The following PDHX variants were observed in gnomAD, a reference collection of about 807,000 sequenced individuals.
PDHX encodes the protein pyruvate dehydrogenase complex component X, also known as pyruvate dehydrogenase protein X component, mitochondrial.
PDHX carries 33 observed loss-of-function variants against 55.3 expected under a neutral mutation model. The ratio of observed to expected loss-of-function variants is 0.60; its 90% CI spans 0.45 to 0.80. The LOEUF (loss-of-function observed/expected upper bound fraction) is 0.80, where lower values mean the gene tolerates loss of function less well. Among genes scored for constraint, PDHX ranks in the 30% least tolerant of loss-of-function variants. PDHX has a pLI of 0.00. For synonymous variants in PDHX, 226 were observed against 219.4 expected, an observed-to-expected ratio of 1.03 and a Z score of -0.27; for missense variants, 622 against 619.9, an observed-to-expected ratio of 1.00 and a Z score of -0.04.
intron 9 of PDHX, among the ~76,000 whole-genome samples, chr11:34,985,403 C>T (rs896348988): frequency 1.4e-4 from 21 of 152,192 alleles, no homozygotes; most frequent in South Asian, 4.1e-4. Flanking sequence ...ATTGCGCCAC[C>T]GTACTCCAGC....
chr11:34,939,981 T>C (rs1020506088), intron 2 of PDHX, among the ~76,000 whole-genome samples: 1 of 152,180 alleles, frequency 6.6e-6, no homozygotes, highest in Non-Finnish European at 1.5e-5. Flanking sequence ...GCTTCAGATA[T>C]TTTCAGTTTA....
intron 3 of PDHX, among the ~76,000 whole-genome samples, chr11:34,951,837 C>T (rs1192743718): frequency 6.6e-6 from 1 of 152,128 alleles, no homozygotes; most frequent in East Asian, 1.9e-4. Flanking sequence ...TTAGGTCTAA[C>T]GTTTAAGTCT....
At chr11:34,993,790 G>A (rs970874613) in intron 10 of PDHX, among the ~76,000 whole-genome samples, 12 of 152,086 alleles carry the variant, frequency 7.9e-5, no homozygotes, top group Non-Finnish European at 1.5e-4. Flanking sequence ...CCCCTTGCTG[G>A]TTTCTTGATT....
At chr11:34,962,240 C>T (rs1855034467) in intron 5 of PDHX, among the ~76,000 whole-genome samples, 2 of 152,072 alleles carry the variant, frequency 1.3e-5, no homozygotes, top group South Asian at 2.1e-4. Flanking sequence ...TTAATAGGCT[C>T]CTAAAGTAAT....
intron 8 of PDHX, among the ~76,000 whole-genome samples, chr11:34,980,437 G>C (rs1346178858): frequency 7.0e-6 from 1 of 142,318 alleles, no homozygotes; most frequent in Non-Finnish European, 1.5e-5. Flanking sequence ...GACCCGAGTG[G>C]ATTGCCCTAA....
At chr11:34,925,690 A>G (rs538207578) in intron 1 of PDHX, among the ~76,000 whole-genome samples, 4 of 152,320 alleles carry the variant, frequency 2.6e-5, no homozygotes, top group African/African-American at 9.6e-5. Flanking sequence ...TTTCATTTCA[A>G]TCTTTGTATG....
At chr11:34,919,004 G>A (rs1244496383) in intron 1 of PDHX, among the ~76,000 whole-genome samples, 1 of 152,162 alleles carries the variant, frequency 6.6e-6, no homozygotes, top group Non-Finnish European at 1.5e-5. Flanking sequence ...TCAAGGTTGA[G>A]TAGAAACCTT....
chr11:34,951,402 A>G (rs555957139), intron 3 of PDHX, among the ~76,000 whole-genome samples: 14 of 151,938 alleles, frequency 9.2e-5, no homozygotes, highest in African/African-American at 3.4e-4. Context: ...CTGGTGTGAG[A>G]TGGTATCTCA....
At chr11:34,944,054 T>C (rs1854562240) in intron 2 of PDHX, among the ~76,000 whole-genome samples, 1 of 146,080 alleles carries the variant, frequency 6.8e-6, no homozygotes, top group South Asian at 2.1e-4. Flanking sequence ...ATTTTATATG[T>C]AATATATAAA....
chr11:34,926,332 G>A (rs1854019616), intron 1 of PDHX, among the ~76,000 whole-genome samples: 1 of 152,158 alleles, frequency 6.6e-6, no homozygotes, highest in East Asian at 1.9e-4. Context: ...TTTATTTAGT[G>A]TGTTCTGACA....
chr11:34,924,304 C>T (rs1427328608), intron 1 of PDHX, among the ~76,000 whole-genome samples: 11 of 152,196 alleles, frequency 7.2e-5, no homozygotes, highest in Non-Finnish European at 1.0e-4. Context: ...TGCAGTGGGG[C>T]GGTCTCGGCT....
At chr11:34,953,912 C>G (rs1364019699) in intron 3 of PDHX, among the ~76,000 whole-genome samples, 1 of 152,226 alleles carries the variant, frequency 6.6e-6, no homozygotes, top group African/African-American at 2.4e-5. Flanking sequence ...AGCCAGACAA[C>G]TGTTATTCAA....
intron 5 of PDHX, among the ~76,000 whole-genome samples, chr11:34,963,698 A>G (rs1855068137): frequency 6.6e-6 from 1 of 152,212 alleles, no homozygotes; most frequent in South Asian, 2.1e-4. Context: ...TTTGTGAAGA[A>G]AATCTTGGGT....
chr11:34,930,151 G>T (rs1030234943), intron 1 of PDHX, among the ~76,000 whole-genome samples: 1 of 152,202 alleles, frequency 6.6e-6, no homozygotes, highest in Non-Finnish European at 1.5e-5. Flanking sequence ...GTGGATGGAG[G>T]AGCTGATAGG....
At chr11:34,920,055 TCTTAGAGGA>T (rs1469268601) in intron 1 of PDHX, among the ~76,000 whole-genome samples, 1 of 152,150 alleles carries the variant, frequency 6.6e-6, no homozygotes, top group Non-Finnish European at 1.5e-5. Flanking sequence ...TAAGGCAGCT[TCTTAGAGGA>T]AGAGGTGACA....
At chr11:34,920,465 G>C (rs1481583549) in intron 1 of PDHX, among the ~76,000 whole-genome samples, 3 of 152,178 alleles carry the variant, frequency 2.0e-5, no homozygotes, top group Non-Finnish European at 4.4e-5. Context: ...CCTACAGTAG[G>C]ATTCCAAGTT....
At chr11:34,946,204 CTGT>C (rs754896516) in intron 2 of PDHX, among the ~76,000 whole-genome samples, 43 of 151,984 alleles carry the variant, frequency 2.8e-4, no homozygotes, top group Non-Finnish European at 4.9e-4. Flanking sequence ...AGAATATATT[CTGT>C]TGTTTCTTTT....
At chr11:34,982,194 A>G (rs868282310) in intron 8 of PDHX, among the ~76,000 whole-genome samples, 7 of 152,252 alleles carry the variant, frequency 4.6e-5, no homozygotes, top group East Asian at 3.9e-4. Context: ...TGTAAGGAAG[A>G]GTTCCAGTTT....
intron 10 of PDHX, among the ~76,000 whole-genome samples, chr11:34,992,965 T>C (rs561390764): frequency 1.3e-5 from 2 of 152,322 alleles, no homozygotes; most frequent in South Asian, 4.1e-4. Flanking sequence ...CCAACGGTCC[T>C]GAGAATTCCC....
Sources: gnomAD v4.1 joint callset for allele counts (sites outside exome capture counted in the v4.1 genomes callset) on GRCh38, gnomAD v4.1.1 for gene constraint, MANE v1.5 for transcripts, NCBI Gene and HGNC (gene_info 2026-07-23, HGNC 2026-07-21) for gene names.